Variants in RMDN1 observed in about 807,000 individuals in gnomAD.
RMDN1 encodes the protein regulator of microtubule dynamics 1.
Under a neutral mutation model 48.9 loss-of-function variants are expected in RMDN1, and 48 were observed. The observed-to-expected ratio is 0.98, with a 90% CI of 0.78 to 1.25. RMDN1 has a LOEUF of 1.25. Among genes scored for constraint, RMDN1 ranks in the 50% most tolerant of loss-of-function variants. The probability of loss-of-function intolerance (pLI) is 0.00; values close to 1 mark genes in which losing one functional copy is unlikely to be tolerated. For synonymous variants in RMDN1, 148 were observed against 132.6 expected (o/e 1.12, Z -0.80); for missense variants, 418 against 373.4 (o/e 1.12, Z -0.98).
intron 2 of RMDN1, among the ~76,000 whole-genome samples, chr8:86,494,201 A>G (rs1816950453): frequency 6.6e-6 from 1 of 152,230 alleles, no homozygotes; most frequent in Non-Finnish European, 1.5e-5. Context: ...GGAATAGACT[A>G]CAGAACTCCA....
At chr8:86,481,863 A>T (rs988468980) in intron 5 of RMDN1, 24 of 742,652 alleles carry the variant, frequency 3.2e-5, no homozygotes, top group Admixed American at 5.9e-5. Context: ...ATTTTTTTTT[A>T]AAAACATCAA....
downstream of RMDN1, among the ~76,000 whole-genome samples, chr8:86,471,302 A>T (rs1044401360): frequency 5.3e-5 from 8 of 152,100 alleles, no homozygotes; most frequent in African/African-American, 9.7e-5. Context: ...CTAAGCAGAA[A>T]ATATTCTTGA....
intron 2 of RMDN1, among the ~76,000 whole-genome samples, chr8:86,494,227 A>G (rs1306554622): frequency 3.9e-5 from 6 of 152,214 alleles, no homozygotes; most frequent in Non-Finnish European, 7.3e-5. Flanking sequence ...TAGCTCACTT[A>G]AGAGGTAGAA....
chr8:86,490,196 T>C (rs937948609), intron 2 of RMDN1, among the ~76,000 whole-genome samples: 2 of 152,188 alleles, frequency 1.3e-5, no homozygotes, highest in African/African-American at 4.8e-5. Context: ...CTTTAGTTGA[T>C]ATTTATGGTA....
intron 2 of RMDN1, among the ~76,000 whole-genome samples, chr8:86,494,086 G>T (rs991062155): frequency 2.0e-5 from 3 of 152,088 alleles, no homozygotes; most frequent in Admixed American, 6.5e-5. Flanking sequence ...TTGGTCAAAT[G>T]GTACCAAGTT....
chr8:86,505,152 G>A, intron 2 of RMDN1: 1 of 1,174,952 alleles, frequency 8.5e-7, no homozygotes, highest in South Asian at 1.4e-5. Context: ...ACCCAGGACT[G>A]CTTCTGAATG....
At chr8:86,496,817 C>T (rs9942792) in intron 2 of RMDN1, among the ~76,000 whole-genome samples, 40,215 of 151,878 alleles carry the variant, frequency 0.26, 6,199 homozygotes, top group East Asian at 0.53. Flanking sequence ...GGTACCCTAC[C>T]CAAGAACAAC....
chr8:86,473,858 T>A lies in RMDN1; in HGVS notation c.*450A>T. The A allele has an allele frequency of 1.0e-6, 1 of 988,992 alleles. No individual in the cohort carries two copies. The highest frequency in any genetic ancestry group is 1.2e-6 in the Non-Finnish European group (1 of 832,332). 61.3% of individuals were successfully genotyped at this position (988,992 alleles called of 1,614,324 possible). ...TTAGCTCCAAGATATATCATTTAACTACTTTATGTCAGGAACCCACAACAT... is the reference window on the plus strand; with the variant it reads ...TTAGCTCCAAGATATATCATTTAACAACTTTATGTCAGGAACCCACAACAT... On this transcript the variant is annotated 3_prime_UTR_variant, in exon 10 of 10. Coordinates refer to ENST00000406452, the MANE Select transcript of RMDN1 (RefSeq NM_016033.3).
At chr8:86,510,457 G>A (rs1169326888), upstream of RMDN1, among the ~76,000 whole-genome samples, 1 of 151,828 alleles carries the variant, frequency 6.6e-6, no homozygotes, top group Non-Finnish European at 1.5e-5. Context: ...CGTCAGCCTT[G>A]GTCTTTCACG....
chr8:86,499,417 C>T (rs986420131), intron 2 of RMDN1, among the ~76,000 whole-genome samples: 2 of 152,086 alleles, frequency 1.3e-5, no homozygotes, highest in African/African-American at 2.4e-5. Context: ...TTTCTATACA[C>T]CAATAACACC....
At chr8:86,474,538 C>A in intron 9 of RMDN1, 180 bp from the exon 10 acceptor site, 1 of 690,984 alleles carries the variant, frequency 1.4e-6, no homozygotes, top group Non-Finnish European at 2.6e-6. Context: ...AGTACACATC[C>A]CATGACTTTT....
At chr8:86,491,361 C>T (rs1170133997) in intron 2 of RMDN1, among the ~76,000 whole-genome samples, 1 of 152,064 alleles carries the variant, frequency 6.6e-6, no homozygotes, top group East Asian at 1.9e-4. Flanking sequence ...GCTTTGATGT[C>T]TTGACCTCGT....
chr8:86,495,523 A>G (rs1817196438), intron 2 of RMDN1, among the ~76,000 whole-genome samples: 1 of 152,156 alleles, frequency 6.6e-6, no homozygotes, highest in Non-Finnish European at 1.5e-5. Flanking sequence ...AGCCTTTATT[A>G]GCAGCCAGAC....
chr8:86,488,944 TA>T (rs992265660), intron 2 of RMDN1, among the ~76,000 whole-genome samples: 2 of 152,184 alleles, frequency 1.3e-5, no homozygotes, highest in African/African-American at 4.8e-5. Flanking sequence ...GCTGATGAGC[TA>T]AAAAAATTCC....
chr8:86,477,960 T>C (rs946955272), intron 7 of RMDN1: 3 of 151,392 alleles, frequency 2.0e-5, no homozygotes, highest in Non-Finnish European at 1.5e-5. Context: ...AATCACTGTT[T>C]ATTGCAGCCT....
In RMDN1 at chr8:86,474,148, CTAT is replaced by C; in HGVS notation, c.*157_*159del. The C allele has an allele frequency of 7.2e-7, 1 of 1,380,054 alleles. No homozygotes were observed. The highest frequency in any genetic ancestry group is 9.4e-7 in the Non-Finnish European group (1 of 1,068,454). 85.5% of individuals were successfully genotyped at this position (1,380,054 alleles called of 1,614,324 possible). A position where few individuals can be genotyped will look rare whatever the true frequency, so the allele number is the denominator to read the frequency against. On this transcript the variant is annotated 3_prime_UTR_variant, in exon 10 of 10. Transcript: ENST00000406452. The stretch of plus-strand genomic sequence containing the variant: ...TCTTATGGCGATTATTTATTTTACC[CTAT>C]TATTTGTGAAGAAGCCTAGAATATT...
chr8:86,504,572 G>C lies in RMDN1; in HGVS notation c.247+2423C>G, dbSNP rs1003096780. ...TCCCTATTTCTGCTGCAAAGGGCAGGAAGGCGGACCCTGCATATGATAGGC... is the reference window on the plus strand; with the variant it reads ...TCCCTATTTCTGCTGCAAAGGGCAGCAAGGCGGACCCTGCATATGATAGGC... On this transcript the variant is annotated intron_variant, in intron 2 of 9. Coordinates refer to ENST00000406452, the MANE Select transcript of RMDN1 (RefSeq NM_016033.3). 7.6e-6 allele frequency: 9 copies of C among 1,183,228 alleles called. No individual in the cohort carries two copies. In the African/African-American group the frequency reaches 1.1e-4, roughly 14 times the overall value. The allele number at this position is 1,183,228 out of a possible 1,614,324, so 73.3% of individuals were successfully genotyped here. A position where few individuals can be genotyped will look rare whatever the true frequency, so the allele number is the denominator to read the frequency against.
chr8:86,496,660 A>G (rs1227370573), intron 2 of RMDN1, among the ~76,000 whole-genome samples: 3 of 152,250 alleles, frequency 2.0e-5, no homozygotes, highest in Non-Finnish European at 4.4e-5. Flanking sequence ...TTAGAGACCT[A>G]CAAAGAGACT....
intron 2 of RMDN1, chr8:86,504,326 G>C: frequency 7.0e-6 from 11 of 1,579,340 alleles, no homozygotes; most frequent in Middle Eastern, 1.7e-4. Context: ...GAGAGTGCAA[G>C]GATGTCACAA....
Sources: gnomAD v4.1 joint callset for allele counts (sites outside exome capture counted in the v4.1 genomes callset) on GRCh38, gnomAD v4.1.1 for gene constraint, MANE v1.5 for transcripts, NCBI Gene and HGNC (gene_info 2026-07-23, HGNC 2026-07-21) for gene names.